NUBPL: variants seen among roughly 807,000 people sequenced by gnomAD.
The protein encoded by NUBPL is NUBP iron-sulfur cluster assembly factor, mitochondrial.
NUBPL carries 31 observed loss-of-function variants against 45.7 expected under a neutral mutation model. The ratio of observed to expected loss-of-function variants is 0.68; its 90% CI spans 0.51 to 0.92. The LOEUF (loss-of-function observed/expected upper bound fraction) is 0.92, where lower values mean the gene tolerates loss of function less well. Ranked by LOEUF, NUBPL falls within the 40% of genes least tolerant of loss-of-function variation. The pLI, the probability that NUBPL is intolerant of heterozygous loss-of-function variation, is 0.00. For synonymous variants in NUBPL, 144 were observed against 140.9 expected (o/e 1.02, Z -0.15); for missense variants, 401 against 398.7 (o/e 1.01, Z -0.05).
At chr14:31,841,922 T>TTTTTGTTTTTG (rs2040378385) in intron 8 of NUBPL, among the ~76,000 whole-genome samples, 1 of 43,252 alleles carries the variant, frequency 2.3e-5, no homozygotes, top group Non-Finnish European at 5.3e-5. Context: ...CTGGGCTTTT[T>TTTTTGTTTTTG]TTTTTTTTTT....
rs545355049 is a variant in NUBPL at position 31,711,969 on chromosome 14, A to G, written c.513+38395A>G. Among the ~76,000 whole-genome samples, 17 of 152,212 alleles carry G rather than the reference A, an allele frequency of 1.1e-4. No individual in the cohort carries two copies. In the East Asian group the frequency reaches 1.9e-3, roughly 17 times the overall value. The stretch of plus-strand genomic sequence containing the variant: ...CAGGAGTGAAGCTGAAGACCTTCGC[A>G]GTGAGTGTTAGAGCTCGTAAAGGTG... On this transcript the variant is annotated intron_variant, in intron 6 of 10. Transcript: ENST00000281081.
intron 6 of NUBPL, among the ~76,000 whole-genome samples, chr14:31,782,466 T>C (rs1010681880): frequency 6.6e-6 from 1 of 152,112 alleles, no homozygotes; most frequent in Non-Finnish European, 1.5e-5. Context: ...TTAGAATTTT[T>C]AACTCTTAGT....
chr14:31,838,066 A>C (rs1410636584), intron 8 of NUBPL, among the ~76,000 whole-genome samples: 2 of 152,164 alleles, frequency 1.3e-5, no homozygotes, highest in Non-Finnish European at 1.5e-5. Context: ...AGTATAAACA[A>C]GTAAACGGTT....
chr14:31,584,258 G>A (rs1233118788), intron 3 of NUBPL, among the ~76,000 whole-genome samples: 4 of 152,054 alleles, frequency 2.6e-5, no homozygotes, highest in Non-Finnish European at 5.9e-5. Context: ...CCAAGGAGCT[G>A]GGACTACAGG....
In NUBPL at chr14:31,860,283, A is replaced by T. The variant is rs932549558; in HGVS notation, c.*1103A>T. 2 of 118,594 alleles carry T rather than the reference A, an allele frequency of 1.7e-5. No individual in the cohort carries two copies. Among genetic ancestry groups the T allele is most frequent in the Admixed American group, 1.2e-4 (1 of 8,606 alleles). The allele number at this position is 118,594 out of a possible 1,614,324, so 7.3% of individuals were successfully genotyped here. ...GTACCACTGCACTCCAGCCTGGTCA[A>T]TGGAGTGCGACTCCATCTCAAAAAA... On this transcript the variant is annotated 3_prime_UTR_variant, in exon 11 of 11. Transcript: ENST00000281081.
At chr14:31,636,530 A>G (rs2035505610) in intron 4 of NUBPL, among the ~76,000 whole-genome samples, 1 of 152,118 alleles carries the variant, frequency 6.6e-6, no homozygotes, top group South Asian at 2.1e-4. Context: ...ATGTTCATCA[A>G]GGATATTGGT....
chr14:31,842,026 G>T (rs1378201043), intron 8 of NUBPL, among the ~76,000 whole-genome samples: 1 of 140,916 alleles, frequency 7.1e-6, no homozygotes, highest in African/African-American at 2.7e-5. Context: ...TGCCTCCCAG[G>T]TTCACGCCAT....
At chr14:31,731,278 G>A (rs887705215) in intron 6 of NUBPL, among the ~76,000 whole-genome samples, 2 of 152,126 alleles carry the variant, frequency 1.3e-5, no homozygotes, top group Admixed American at 6.5e-5. Context: ...CGATAAAAAG[G>A]GGAGCTCCAA....
chr14:31,585,324 G>A (rs1333947283), intron 3 of NUBPL, among the ~76,000 whole-genome samples: 2 of 152,202 alleles, frequency 1.3e-5, no homozygotes, highest in Admixed American at 6.5e-5. Context: ...TTTGGGCCAC[G>A]TGCAGCTCTG....
chr14:31,628,410 A>G (rs1261876410), intron 4 of NUBPL, among the ~76,000 whole-genome samples: 1 of 152,184 alleles, frequency 6.6e-6, no homozygotes, highest in South Asian at 2.1e-4. Context: ...TTAAAATCAC[A>G]TTTGTTAATA....
intron 6 of NUBPL, among the ~76,000 whole-genome samples, chr14:31,765,637 T>A (rs996185566): frequency 8.9e-4 from 67 of 75,168 alleles, no homozygotes; most frequent in African/African-American, 2.0e-3. Context: ...GCAACAGGTT[T>A]TTTTTTTTTT....
chr14:31,585,998 T>G (rs2033986849), intron 3 of NUBPL, among the ~76,000 whole-genome samples: 1 of 152,234 alleles, frequency 6.6e-6, no homozygotes. Context: ...GTATCTTAAG[T>G]TGTACAAGGT....
At chr14:31,704,717 T>C (rs1348814714) in intron 6 of NUBPL, among the ~76,000 whole-genome samples, 2 of 152,156 alleles carry the variant, frequency 1.3e-5, no homozygotes. Flanking sequence ...TCACTTTTTT[T>C]CTCACTTGTT....
At chr14:31,606,760 G>T (rs1227323739) in intron 4 of NUBPL, among the ~76,000 whole-genome samples, 1 of 152,150 alleles carries the variant, frequency 6.6e-6, no homozygotes, top group Non-Finnish European at 1.5e-5. Context: ...TCAGCTTGAG[G>T]TCTGTAGTTG....
chr14:31,574,796 G>C (rs1330051140), intron 3 of NUBPL, among the ~76,000 whole-genome samples: 4 of 151,336 alleles, frequency 2.6e-5, no homozygotes, highest in Non-Finnish European at 5.9e-5. Flanking sequence ...GGCCAGGCTG[G>C]TCTTGAACTC....
intron 7 of NUBPL, among the ~76,000 whole-genome samples, chr14:31,806,556 A>T (rs2039690314): frequency 6.6e-6 from 1 of 151,886 alleles, no homozygotes; most frequent in Non-Finnish European, 1.5e-5. Context: ...TAGATTCAAG[A>T]CTGGAAAAAT....
intron 4 of NUBPL, among the ~76,000 whole-genome samples, chr14:31,642,375 G>C (rs920594185): frequency 6.6e-6 from 1 of 152,096 alleles, no homozygotes; most frequent in Non-Finnish European, 1.5e-5. Context: ...TGAGAAATAG[G>C]GGTCTAATTT....
chr14:31,609,447 G>T (rs752281417), intron 4 of NUBPL, among the ~76,000 whole-genome samples: 42 of 152,112 alleles, frequency 2.8e-4, no homozygotes, highest in Non-Finnish European at 4.4e-4. Context: ...CAGAGCTAAA[G>T]AAAGAGATAA....
chr14:31,820,945 A>AC (rs1404987640), intron 7 of NUBPL, among the ~76,000 whole-genome samples: 1 of 151,226 alleles, frequency 6.6e-6, no homozygotes, highest in Non-Finnish European at 1.5e-5. Flanking sequence ...ACATGGAGAA[A>AC]CCCCATCTCT....
Sources: gnomAD v4.1 joint callset for allele counts (sites outside exome capture counted in the v4.1 genomes callset) on GRCh38, gnomAD v4.1.1 for gene constraint, MANE v1.5 for transcripts, NCBI Gene and HGNC (gene_info 2026-07-23, HGNC 2026-07-21) for gene names.